The following EIF2B3 variants were observed in gnomAD, a reference collection of about 807,000 sequenced individuals.
EIF2B3 encodes the protein translation initiation factor eIF2B subunit gamma.
Under a neutral mutation model 54.1 loss-of-function variants are expected in EIF2B3, and 20 were observed. That is an observed-to-expected ratio of 0.37 (90% CI 0.26 to 0.54). The LOEUF is 0.54. Among genes scored for constraint, EIF2B3 ranks in the 20% least tolerant of loss-of-function variants. The pLI is 0.86. For synonymous variants in EIF2B3, 153 were observed against 188.1 expected, an observed-to-expected ratio of 0.81 and a Z score of 1.52; for missense variants, 448 against 547.8, an observed-to-expected ratio of 0.82 and a Z score of 1.82.
At chr1:44,931,424 G>A (rs577702731) in intron 4 of EIF2B3, among the ~76,000 whole-genome samples, 77 of 152,320 alleles carry the variant, frequency 5.1e-4, no homozygotes, top group Middle Eastern at 6.8e-3. Flanking sequence ...GGCCCACAGT[G>A]TTGTTTTAAA....
chr1:44,966,015 A>T (rs1187938419), intron 3 of EIF2B3, among the ~76,000 whole-genome samples: 1 of 152,128 alleles, frequency 6.6e-6, no homozygotes, highest in Non-Finnish European at 1.5e-5. Flanking sequence ...GAAGGAAGAG[A>T]ACCGGTTCAA....
chr1:44,852,175 G>A (rs996315833), intron 11 of EIF2B3, among the ~76,000 whole-genome samples: 3 of 150,016 alleles, frequency 2.0e-5, no homozygotes, highest in African/African-American at 7.4e-5. Context: ...TGTTGGCCAG[G>A]CTGGTCTGGA....
intron 3 of EIF2B3, among the ~76,000 whole-genome samples, chr1:44,970,452 A>G (rs1212995490): frequency 6.6e-6 from 1 of 152,144 alleles, no homozygotes; most frequent in Admixed American, 6.6e-5. Flanking sequence ...TAAACCTCAA[A>G]CTTTTAGGGA....
chr1:44,919,694 A>G (rs1047394110), intron 5 of EIF2B3, among the ~76,000 whole-genome samples: 1 of 142,684 alleles, frequency 7.0e-6, no homozygotes, highest in Admixed American at 7.1e-5. Flanking sequence ...CTGGGGATTC[A>G]TTTCATCTTA....
chr1:44,897,461 A>T lies in EIF2B3; in HGVS notation c.567-17T>A. 1.9e-6 allele frequency: 3 copies of T among 1,580,054 alleles called. No individual in the cohort carries two copies. The highest frequency in any genetic ancestry group is 2.6e-6 in the Non-Finnish European group (3 of 1,158,714). ...CTAGGATGCCTGCAAAAAAATAAAA[A>T]ATAAAAGAAAGAAAGAAGAGGCTCA... On this transcript the variant is annotated splice_polypyrimidine_tract_variant and intron_variant, in intron 5 of 11. Transcript: ENST00000360403.
intron 3 of EIF2B3, among the ~76,000 whole-genome samples, chr1:44,951,379 T>A (rs1644158648): frequency 6.6e-6 from 1 of 152,216 alleles, no homozygotes; most frequent in Admixed American, 6.5e-5. Flanking sequence ...TTACTCTGGC[T>A]CCAGCAATTC....
At chr1:44,958,938 C>A in intron 3 of EIF2B3, 2 of 781,020 alleles carry the variant, frequency 2.6e-6, no homozygotes, top group Non-Finnish European at 4.6e-6. Flanking sequence ...ATATACTCAG[C>A]AAATACAAAG....
intron 6 of EIF2B3, among the ~76,000 whole-genome samples, chr1:44,883,214 AG>A (rs1470890400): frequency 6.6e-6 from 1 of 152,006 alleles, no homozygotes; most frequent in Admixed American, 6.6e-5. Context: ...CTAGGATTAC[AG>A]GTGTGAGCCA....
chr1:44,869,305 C>G (rs2148898585), intron 10 of EIF2B3, among the ~76,000 whole-genome samples: 1 of 151,992 alleles, frequency 6.6e-6, no homozygotes, highest in Admixed American at 6.6e-5. Context: ...TGGTGAAACC[C>G]TGTCTCTACT....
intron 5 of EIF2B3, among the ~76,000 whole-genome samples, chr1:44,908,682 G>T (rs1242282026): frequency 6.6e-6 from 1 of 152,174 alleles, no homozygotes; most frequent in African/African-American, 2.4e-5. Context: ...TACAAGCAAT[G>T]TATTTATAGA....
chr1:44,874,893 C>G, intron 9 of EIF2B3, 67 bp from the exon 10 acceptor site: 2 of 1,595,668 alleles, frequency 1.3e-6, no homozygotes, highest in Non-Finnish European at 8.6e-7. Context: ...CCTCCAGATC[C>G]CTCAAGCTGG....
chr1:44,896,123 C>G (rs538304376), intron 6 of EIF2B3, among the ~76,000 whole-genome samples: 1 of 152,286 alleles, frequency 6.6e-6, no homozygotes, highest in East Asian at 1.9e-4. Context: ...GAGGGCAGGG[C>G]CATATCTGTT....
rs1399363445 is a variant in EIF2B3 at position 44,850,832 on chromosome 1, C to G, written c.*119G>C. On this transcript the variant is annotated 3_prime_UTR_variant, in exon 12 of 12. Transcript: ENST00000360403. Reference sequence around the variant, plus strand: ...TGGAGCTTTGGACTGCTCCACAAGTCTCCAGCATGCCTTTGGAAGCCCTTC... The same window carrying G: ...TGGAGCTTTGGACTGCTCCACAAGTGTCCAGCATGCCTTTGGAAGCCCTTC... 2.6e-6 allele frequency: 3 copies of G among 1,154,626 alleles called. No individual in the cohort carries two copies. The African/African-American group carries it at 4.6e-5, about 18-fold the overall frequency. 71.5% of individuals were successfully genotyped at this position (1,154,626 alleles called of 1,614,324 possible). A position where few individuals can be genotyped will look rare whatever the true frequency, so the allele number is the denominator to read the frequency against.
In EIF2B3 at chr1:44,874,822, C is replaced by G; in HGVS notation, c.1058G>C (p.Gly353Ala). 1 of 1,614,100 alleles carries G rather than the reference C, an allele frequency of 6.2e-7. No homozygotes were observed. Among genetic ancestry groups the G allele is most frequent in the South Asian group, 1.1e-5 (1 of 91,072 alleles). The part of the protein sequence containing the change: ...SAQIVSKHLV[G>A]VDSLIGPETQ... The stretch of plus-strand genomic sequence containing the variant: ...CTCTGGCCCAATGAGGCTGTCAACT[C>G]CAACCTGTAAAAGGCAAAATATAAA... The change falls in exon 10 of 12, where the codon GGA (glycine) becomes GCA (alanine). Residue 353 changes from glycine to alanine, a missense_variant. By Grantham distance (60) the Gly-to-Ala change is moderately conservative. This residue lies in a region of EIF2B3 where 350 missense variants were observed against 414.2 expected (regional missense o/e 0.85). Coordinates refer to ENST00000360403, the MANE Select transcript of EIF2B3 (RefSeq NM_020365.5).
At chr1:44,900,411 C>A (rs1195650639) in intron 5 of EIF2B3, among the ~76,000 whole-genome samples, 1 of 137,806 alleles carries the variant, frequency 7.3e-6, no homozygotes, top group African/African-American at 2.7e-5. Flanking sequence ...CATGCCACTG[C>A]ACTCCAGCCT....
At chr1:44,898,955 C>A (rs2102036) in intron 5 of EIF2B3, among the ~76,000 whole-genome samples, 2,296 of 152,166 alleles carry the variant, frequency 0.015, 64 homozygotes, top group African/African-American at 0.052. Flanking sequence ...GCCTCCCAAG[C>A]AGCTAGGACC....
At chr1:44,898,188 A>T in intron 5 of EIF2B3, among the ~76,000 whole-genome samples, 1 of 152,154 alleles carries the variant, frequency 6.6e-6, no homozygotes, top group East Asian at 1.9e-4. Flanking sequence ...GTAAAATTCT[A>T]TGAATAATCC....
chr1:44,985,693 A>T (rs1557719229), intron 1 of EIF2B3, among the ~76,000 whole-genome samples: 1 of 152,248 alleles, frequency 6.6e-6, no homozygotes, highest in Non-Finnish European at 1.5e-5. Context: ...CCTAGGAAGC[A>T]TGAATAGTAA....
At chr1:44,889,263 T>C (rs1333336117) in intron 6 of EIF2B3, among the ~76,000 whole-genome samples, 2 of 151,906 alleles carry the variant, frequency 1.3e-5, no homozygotes, top group African/African-American at 4.8e-5. Flanking sequence ...TGGCTAGGAG[T>C]GGTGGCTCAC....
Sources: allele counts gnomAD v4.1 joint callset (sites outside exome capture counted in the v4.1 genomes callset), GRCh38; gene constraint gnomAD v4.1.1; regional missense constraint gnomAD v4.1.1; transcripts MANE v1.5; gene names NCBI Gene and HGNC (gene_info 2026-07-23, HGNC 2026-07-21).